Variants in RTL4 observed in about 807,000 individuals in gnomAD.
RTL4 encodes retrotransposon Gag-like protein 4.
A neutral mutation model predicts 5.3 loss-of-function variants in RTL4; 4 were observed. The ratio of observed to expected loss-of-function variants is 0.75; its 90% confidence interval spans 0.37 to 1.72. The LOEUF is 1.72. RTL4 is among the 40% of genes most tolerant of loss of function. RTL4 has a pLI of 0.04. For synonymous variants in RTL4, 98 were observed against 87.3 expected, an observed-to-expected ratio of 1.12 and a Z score of -0.68; for missense variants, 260 against 227.1, an observed-to-expected ratio of 1.14 and a Z score of -0.93.
the RTL4 span, among the ~76,000 whole-genome samples, chrX:112,230,126 G>T: frequency 3.5e-5 from 4 of 112,708 alleles, no homozygotes; most frequent in Middle Eastern, 4.6e-3. Flanking sequence ...TGCCCCCAGA[G>T]GTGGAGCCTA....
the RTL4 span, among the ~76,000 whole-genome samples, chrX:112,174,227 C>T: frequency 7.5e-4 from 51 of 67,854 alleles, no homozygotes; most frequent in African/African-American, 2.6e-3. Context: ...GCTATCCCTC[C>T]CCCCTCCCCC....
chrX:112,135,732 T>C, the RTL4 span, among the ~76,000 whole-genome samples: 1 of 110,430 alleles, frequency 9.1e-6, no homozygotes, highest in African/African-American at 3.3e-5. Flanking sequence ...TGCATATGCA[T>C]ATCCAAGTTT....
At chrX:112,273,258 T>G in the RTL4 span, among the ~76,000 whole-genome samples, 2 of 93,045 alleles carry the variant, frequency 2.1e-5, no homozygotes, top group Non-Finnish European at 2.0e-5. Flanking sequence ...AGTTGATGAT[T>G]TTTTTTTTTT....
At chrX:112,120,806 G>A in the RTL4 span, among the ~76,000 whole-genome samples, 22 of 111,567 alleles carry the variant, frequency 2.0e-4, no homozygotes, top group African/African-American at 7.2e-4. Flanking sequence ...CATGGAATTT[G>A]ACATACAGTG....
At chrX:112,334,567 AAT>A in the RTL4 span, among the ~76,000 whole-genome samples, 1 of 111,818 alleles carries the variant, frequency 8.9e-6, no homozygotes, top group Non-Finnish European at 1.9e-5. Context: ...CTGTATATAC[AAT>A]GAAAGCAAAT....
chrX:112,360,639 A>C, the RTL4 span, among the ~76,000 whole-genome samples: 1 of 110,088 alleles, frequency 9.1e-6, no homozygotes, highest in African/African-American at 3.3e-5. Context: ...CTATATCACT[A>C]CATATGCCTG....
At chrX:112,140,675 ACC>A in the RTL4 span, among the ~76,000 whole-genome samples, 1 of 111,192 alleles carries the variant, frequency 9.0e-6, no homozygotes, top group African/African-American at 3.3e-5. Context: ...TCATGAACTA[ACC>A]AAGTCCTAAA....
At chrX:112,441,499 C>A in the RTL4 span, among the ~76,000 whole-genome samples, 25,114 of 111,067 alleles carry the variant, frequency 0.23, 2,175 homozygotes, top group Middle Eastern at 0.27. Flanking sequence ...GCATCTGTGA[C>A]AACACACACA....
chrX:112,168,989 T>TC, the RTL4 span, among the ~76,000 whole-genome samples: 2 of 108,285 alleles, frequency 1.8e-5, no homozygotes, highest in Non-Finnish European at 3.8e-5. Context: ...TTCCTTTCTT[T>TC]CTTTCCTTTC....
At chrX:112,288,986 G>A in the RTL4 span, among the ~76,000 whole-genome samples, 1 of 111,716 alleles carries the variant, frequency 9.0e-6, no homozygotes, top group African/African-American at 3.3e-5. Context: ...TACCTATAAA[G>A]GTACCTGCAA....
the RTL4 span, among the ~76,000 whole-genome samples, chrX:112,090,420 C>T: frequency 1.5e-4 from 17 of 111,014 alleles, no homozygotes; most frequent in South Asian, 3.7e-4. Context: ...GAGTTGCTTT[C>T]GGTTCATACT....
the RTL4 span, among the ~76,000 whole-genome samples, chrX:112,176,966 A>T: frequency 9.0e-6 from 1 of 110,674 alleles, no homozygotes; most frequent in Non-Finnish European, 1.9e-5. Context: ...TAACATAATG[A>T]CATCCAGTTC....
the RTL4 span, among the ~76,000 whole-genome samples, chrX:112,188,912 C>G: frequency 9.0e-6 from 1 of 110,969 alleles, no homozygotes; most frequent in East Asian, 2.9e-4. Context: ...AAAGGACTTA[C>G]CCATGGTCAC....
the RTL4 span, among the ~76,000 whole-genome samples, chrX:112,178,501 A>G: frequency 8.9e-6 from 1 of 112,141 alleles, no homozygotes; most frequent in African/African-American, 3.2e-5. Context: ...TGTGAACACT[A>G]GGGGAAACTG....
chrX:112,201,198 C>G, the RTL4 span, among the ~76,000 whole-genome samples: 1 of 110,610 alleles, frequency 9.0e-6, no homozygotes, highest in Non-Finnish European at 1.9e-5. Context: ...TAAGAACTCA[C>G]TCACTATCAT....
exon 1 of RTL4, chrX:112,455,639 C>A: frequency 8.3e-7 from 1 of 1,207,973 alleles, no homozygotes; most frequent in Non-Finnish European, 1.1e-6. Context: ...CCGGCAACGA[C>A]AAATAACACA....
chrX:112,199,065 G>A, the RTL4 span, among the ~76,000 whole-genome samples: 1 of 110,531 alleles, frequency 9.0e-6, no homozygotes, highest in Non-Finnish European at 1.9e-5. Flanking sequence ...GAGGTGAGTG[G>A]ATCACGAGGT....
chrX:112,209,694 C>T, the RTL4 span, among the ~76,000 whole-genome samples: 2 of 111,505 alleles, frequency 1.8e-5, no homozygotes, highest in African/African-American at 3.3e-5. Context: ...GTATATACCA[C>T]TTCCATTTGA....
chrX:112,313,994 C>T, the RTL4 span, among the ~76,000 whole-genome samples: 2 of 111,445 alleles, frequency 1.8e-5, no homozygotes, highest in South Asian at 3.8e-4. Flanking sequence ...AAAGCTTATA[C>T]GATGCTAATA....
Sources: allele counts gnomAD v4.1 joint callset (sites outside exome capture counted in the v4.1 genomes callset), GRCh38; gene constraint gnomAD v4.1.1; transcripts MANE v1.5; gene names NCBI Gene and HGNC (gene_info 2026-07-23, HGNC 2026-07-21).